The following AKAP13 variants were observed in gnomAD, a reference collection of about 807,000 sequenced individuals.
AKAP13 encodes A-kinase anchoring protein 13, also known as A-kinase anchor protein 13.
A neutral mutation model predicts 264.5 loss-of-function variants in AKAP13; 80 were observed. The observed-to-expected ratio is 0.30, with a 90% CI of 0.25 to 0.36. The LOEUF is 0.36. Ranked by LOEUF, AKAP13 falls within the 10% of genes least tolerant of loss-of-function variation. AKAP13 has a pLI of 1.00. For missense variants in AKAP13, 3,712 were observed against 3,435.2 expected, an observed-to-expected ratio of 1.08 and a Z score of -2.01; for synonymous variants, 1,380 against 1,250.2, an observed-to-expected ratio of 1.10 and a Z score of -2.19.
intron 1 of AKAP13, among the ~76,000 whole-genome samples, chr15:85,458,715 CTTTAT>C (rs1163615564): frequency 6.6e-6 from 1 of 152,064 alleles, no homozygotes; most frequent in Non-Finnish European, 1.5e-5. Flanking sequence ...CTCCTGAAAA[CTTTAT>C]TTTAAGCATC....
intron 27 of AKAP13, among the ~76,000 whole-genome samples, chr15:85,726,830 G>T (rs548789593): frequency 6.6e-6 from 1 of 152,190 alleles, no homozygotes. Flanking sequence ...AAGATTCATC[G>T]TGTGGAAAAC....
chr15:85,458,393 G>GTT (rs4037636), intron 1 of AKAP13, among the ~76,000 whole-genome samples: 1,783 of 120,640 alleles, frequency 0.015, 80 homozygotes, highest in African/African-American at 0.049. Flanking sequence ...TTTGTTTTTT[G>GTT]TTTTTTTTTT....
At chr15:85,537,294 A>AAAGGTACAAAG (rs1426522725) in intron 4 of AKAP13, among the ~76,000 whole-genome samples, 2 of 152,262 alleles carry the variant, frequency 1.3e-5, no homozygotes, top group African/African-American at 4.8e-5. Flanking sequence ...TTTAAAGGAG[A>AAAGGTACAAAG]AAGGTACAAA....
At position 85,726,494 on chromosome 15, in the gene AKAP13, G is replaced by A; in HGVS notation, c.6822+8G>A. Reference sequence around the variant, plus strand: ...TACATCTTTGCATCATTGGTAAGCTGAATTGTTATTTTTGTAATAGTATTA... The same window carrying A: ...TACATCTTTGCATCATTGGTAAGCTAAATTGTTATTTTTGTAATAGTATTA... On this transcript the variant is annotated splice_region_variant and intron_variant, in intron 27 of 36. Coordinates refer to ENST00000394518, the MANE Select transcript of AKAP13 (RefSeq NM_007200.5). 1.2e-6 allele frequency: 2 copies of A among 1,605,728 alleles called. No homozygotes were observed. Among genetic ancestry groups the A allele is most frequent in the Non-Finnish European group, 1.7e-6 (2 of 1,172,902 alleles).
At chr15:85,437,475 C>T (rs1360508991) in intron 1 of AKAP13, among the ~76,000 whole-genome samples, 1 of 151,360 alleles carries the variant, frequency 6.6e-6, no homozygotes, top group Admixed American at 6.6e-5. Context: ...TTTTATGAGG[C>T]CAGCATCATT....
chr15:85,576,411 A>G (rs550610322), intron 6 of AKAP13, among the ~76,000 whole-genome samples: 1 of 152,348 alleles, frequency 6.6e-6, no homozygotes, highest in South Asian at 2.1e-4. Context: ...AAAAGATTTT[A>G]TAATCCACTC....
intron 35 of AKAP13, among the ~76,000 whole-genome samples, chr15:85,742,773 G>A (rs2089129477): frequency 6.6e-6 from 1 of 152,118 alleles, no homozygotes; most frequent in Non-Finnish European, 1.5e-5. Context: ...TGCATACCAT[G>A]TTGCCGTTTG....
At chr15:85,386,585 G>A (rs1189703361) in intron 1 of AKAP13, among the ~76,000 whole-genome samples, 2 of 152,098 alleles carry the variant, frequency 1.3e-5, no homozygotes, top group African/African-American at 2.4e-5. Context: ...TATTGTGCCC[G>A]GCTCGCCTAG....
intron 8 of AKAP13, chr15:85,619,810 G>A (rs1203990236): frequency 4.1e-6 from 5 of 1,216,142 alleles, no homozygotes; most frequent in African/African-American, 1.6e-5. Context: ...TATAGCATTA[G>A]GTGGTATTTA....
At chr15:85,520,526 AC>A in intron 2 of AKAP13, 1 of 353,162 alleles carries the variant, frequency 2.8e-6, no homozygotes, top group African/African-American at 2.2e-5. Context: ...AAAAAAAGCA[AC>A]TGAAAGACAA....
rs1488059057 is a variant in AKAP13 at position 85,643,173 on chromosome 15, A to C, written c.4238-2645A>C. Among the ~76,000 whole-genome samples, 3 of 150,594 alleles carry C rather than the reference A, an allele frequency of 2.0e-5. No homozygotes were observed. In the Admixed American group the frequency reaches 2.0e-4, roughly 10 times the overall value. ...AAATGAAAGATTTTCAGATTCATCC[A>C]TGAGCCCTCTCTCACTTCCTATGGC... On this transcript the variant is annotated intron_variant, in intron 9 of 36. Transcript: ENST00000394518.
chr15:85,537,179 G>C (rs1001742958), intron 4 of AKAP13, among the ~76,000 whole-genome samples: 1 of 145,730 alleles, frequency 6.9e-6, no homozygotes, highest in African/African-American at 2.6e-5. Flanking sequence ...CAGTAAGGGA[G>C]AGAAGCATCA....
Position 85,582,026 on chromosome 15 carries a change from G to C in AKAP13, c.3958G>C (p.Gly1320Arg), listed in dbSNP as rs1470789303. 6.2e-7 allele frequency: 1 copy of C among 1,614,150 alleles called. No individual in the cohort carries two copies. The highest frequency in any genetic ancestry group is 1.1e-5 in the South Asian group (1 of 91,080). The change falls in exon 7 of 37, where the codon GGG becomes CGG. Residue 1320 changes from glycine to arginine, a missense_variant. Around this residue, in one of 3 missense-constraint regions of AKAP13, gnomAD observed 2,759 missense variants for 2,411.7 expected, o/e 1.14. Coordinates refer to ENST00000394518, the MANE Select transcript of AKAP13 (RefSeq NM_007200.5). The part of the protein sequence containing the change: ...PMGSTPEEAT[G>R]SLAGCFAGRE... Reference sequence around the variant, plus strand: ...GGGCAGTACTCCTGAGGAAGCCACGGGGAGCCTTGCAGGATGTTTTGCTGG... The same window carrying C: ...GGGCAGTACTCCTGAGGAAGCCACGCGGAGCCTTGCAGGATGTTTTGCTGG...
At chr15:85,723,527 A>G (rs2087419858) in intron 26 of AKAP13, among the ~76,000 whole-genome samples, 1 of 152,226 alleles carries the variant, frequency 6.6e-6, no homozygotes, top group African/African-American at 2.4e-5. Flanking sequence ...ATAGAGGAAG[A>G]AGACAAAGAA....
rs921618727 is a variant in AKAP13, at chr15:85,721,028, A to G, written c.6253-963A>G. 6.6e-5 allele frequency among the ~76,000 whole-genome samples: 10 copies of G among 152,130 alleles called. No homozygotes were observed. In the South Asian group the frequency reaches 1.9e-3, roughly 28 times the overall value. The stretch of plus-strand genomic sequence containing the variant: ...CTGAAACATCCCCTTGGGCATTTCC[A>G]TTTCTCTCTCTCTGCCCCTCCTCTC... On this transcript the variant is annotated intron_variant, in intron 23 of 36. Transcript: ENST00000394518.
intron 1 of AKAP13, among the ~76,000 whole-genome samples, chr15:85,400,069 G>A (rs2071348389): frequency 1.3e-5 from 2 of 152,160 alleles, no homozygotes; most frequent in African/African-American, 4.8e-5. Flanking sequence ...AAAGTGCTGG[G>A]ATTACAGGCA....
intron 8 of AKAP13, among the ~76,000 whole-genome samples, chr15:85,631,197 C>CT (rs2081781214): frequency 1.3e-5 from 2 of 152,210 alleles, no homozygotes; most frequent in South Asian, 4.1e-4. Context: ...ATGTGTGACT[C>CT]TATTTGTATG....
At position 85,440,866 on chromosome 15, in the gene AKAP13, G is replaced by T. The variant is rs112795394; in HGVS notation, c.-11-44844G>T. On this transcript the variant is annotated intron_variant, in intron 1 of 36. Coordinates refer to ENST00000394518, the MANE Select transcript of AKAP13 (RefSeq NM_007200.5). The stretch of plus-strand genomic sequence containing the variant: ...ATTTTGGGAATGGCTTAGTGTGGTG[G>T]AAATTTTTAAAAAAATTCTGCAGTG... Among the ~76,000 whole-genome samples, 93 of 152,240 alleles carry T rather than the reference G, an allele frequency of 6.1e-4. 1 individual carries two copies. In the Middle Eastern group the frequency reaches 0.017, roughly 28 times the overall value.
intron 13 of AKAP13, among the ~76,000 whole-genome samples, chr15:85,667,206 C>CAT (rs1485196093): frequency 6.6e-6 from 1 of 152,062 alleles, no homozygotes; most frequent in Non-Finnish European, 1.5e-5. Context: ...CTAACATGAC[C>CAT]AAATATAAAC....
Sources: gnomAD v4.1 joint callset for allele counts (sites outside exome capture counted in the v4.1 genomes callset) on GRCh38, gnomAD v4.1.1 for gene constraint, gnomAD v4.1.1 regional missense constraint, MANE v1.5 for transcripts, NCBI Gene and HGNC (gene_info 2026-07-23, HGNC 2026-07-21) for gene names.